The following RTEL1 variants were observed in gnomAD, a reference collection of about 807,000 sequenced individuals.
RTEL1 encodes the protein regulator of telomere elongation helicase 1.
RTEL1 carries 86 observed loss-of-function variants against 162.2 expected under a neutral mutation model. The observed-to-expected ratio is 0.53, with a 90% CI of 0.45 to 0.63. The LOEUF (loss-of-function observed/expected upper bound fraction) is 0.63. Among genes scored for constraint, RTEL1 ranks in the 30% least tolerant of loss-of-function variants. The probability of loss-of-function intolerance (pLI) is 0.00; values close to 1 mark genes in which losing one functional copy is unlikely to be tolerated. For missense variants in RTEL1, 1,941 were observed against 1,750.2 expected, an observed-to-expected ratio of 1.11 and a Z score of -1.95; for synonymous variants, 958 against 717.9, an observed-to-expected ratio of 1.33 and a Z score of -5.35.
chr20:63,693,080 A>T lies in RTEL1; in HGVS notation c.2852-63A>T, dbSNP rs1306416023. 5 of 1,610,660 alleles carry T rather than the reference A, an allele frequency of 3.1e-6. No individual in the cohort carries two copies. In the African/African-American group the frequency reaches 5.3e-5, roughly 17 times the overall value. On this transcript the variant is annotated intron_variant, in intron 29 of 34. Coordinates refer to ENST00000360203, the MANE Select transcript of RTEL1 (RefSeq NM_001283009.2). Reference sequence around the variant, plus strand: ...TGTGGGGTGGGGGCCATCTGGGTCCAAGGTGGTCTCTGTTCTCTAGAGAAA... The same window carrying T: ...TGTGGGGTGGGGGCCATCTGGGTCCTAGGTGGTCTCTGTTCTCTAGAGAAA...
chr20:63,661,460 T>G lies in RTEL1; in HGVS notation c.265T>G (p.Trp89Gly). 4 of 1,613,182 alleles carry G rather than the reference T, an allele frequency of 2.5e-6. No homozygotes were observed. Among genetic ancestry groups the G allele is most frequent in the Non-Finnish European group, 3.4e-6 (4 of 1,180,008 alleles). The change falls in exon 3 of 35, where the codon TGG becomes GGG. Residue 89 changes from tryptophan to glycine, a missense_variant. Trp to Gly is a radical substitution (Grantham distance 184, BLOSUM62 -2). Transcript: ENST00000360203. This position sits in a 1 kb window ranked among gnomAD's most constrained non-coding sequence, Gnocchi z 5.1. ...TTTCCCGGATCGGGCCTTGTCATCC[T>G]GGGGCAACGCTGCTGCTGCTGCTGG... is the stretch of plus-strand genomic sequence containing the variant. ...ELFPDRALSSWGNAAAAAGDP... is the reference protein window; with the variant it reads ...ELFPDRALSSGGNAAAAAGDP...
chr20:63,659,780 T>G (rs2089981161), intron 2 of RTEL1, among the ~76,000 whole-genome samples: 1 of 149,682 alleles, frequency 6.7e-6, no homozygotes, highest in Non-Finnish European at 1.5e-5. Context: ...AGACAAAGTA[T>G]AGAGAGAAAA....
intron 14 of RTEL1, among the ~76,000 whole-genome samples, chr20:63,683,672 G>A (rs1012694057): frequency 8.5e-5 from 13 of 152,292 alleles, no homozygotes; most frequent in Middle Eastern, 3.4e-3. Context: ...TCAAGTCTGC[G>A]GCGGGGCTCT....
At position 63,685,582 on chromosome 20, in the gene RTEL1, C is replaced by G; in HGVS notation, c.1251C>G (p.Ala417=). ...CTGGTTCCCCAGCAGGGCTGGGGGCCTTACAGTCCTATAAGGTAGGGGCCA... is the reference window on the plus strand; with the variant it reads ...CTGGTTCCCCAGCAGGGCTGGGGGCGTTACAGTCCTATAAGGTAGGGGCCA... The part of the protein sequence containing the change: ...GSPGSPAGLG[A]LQSYKVHIHP... Residue 417 remains alanine, a synonymous_variant, in exon 15 of 35, where the codon GCC becomes GCG. Coordinates refer to ENST00000360203, the MANE Select transcript of RTEL1 (RefSeq NM_001283009.2). The G allele has an allele frequency of 6.2e-7, 1 of 1,611,870 alleles. No individual in the cohort carries two copies. The highest frequency in any genetic ancestry group is 8.5e-7 in the Non-Finnish European group (1 of 1,179,646).
chr20:63,672,636 G>C lies in RTEL1; in HGVS notation c.765+15G>C. ...CTCACAACGTGGTGAGTCTCCGCTG[G>C]CCTCCTAAACACCTCCTATTGCTTC... On this transcript the variant is annotated intron_variant, in intron 9 of 34. Coordinates refer to ENST00000360203, the MANE Select transcript of RTEL1 (RefSeq NM_001283009.2). 1 of 1,570,590 alleles carries C rather than the reference G, an allele frequency of 6.4e-7. No individual in the cohort carries two copies. The highest frequency in any genetic ancestry group is 8.7e-7 in the Non-Finnish European group (1 of 1,153,990).
chr20:63,694,299 G>GGCCCGCCCCCC, intron 30 of RTEL1, 73 bp from the exon 31 acceptor site: 3 of 841,720 alleles, frequency 3.6e-6, no homozygotes, highest in Non-Finnish European at 2.0e-6. Flanking sequence ...TCCCTAGCCA[G>GGCCCGCCCCCC]CCCTGCCCCC....
chr20:63,693,519 A>ACCACCT lies in RTEL1; in HGVS notation c.2992+241_2992+242insTCCACC, dbSNP rs1568720554. On this transcript the variant is annotated intron_variant, in intron 30 of 34. Coordinates refer to ENST00000360203, the MANE Select transcript of RTEL1 (RefSeq NM_001283009.2). ...CACCTCCACCACCACCTCCTCCACC[A>ACCACCT]CCACCACCTCCACCACCACCACCAC... 7.8e-4 allele frequency among the ~76,000 whole-genome samples: 5 copies of ACCACCT among 6,436 alleles called. 1 individual carries two copies. The highest frequency in any genetic ancestry group is 1.3e-3 in the Non-Finnish European group (4 of 2,992). 4.2% of individuals were successfully genotyped at this position (6,436 alleles called of 152,430 possible).
intron 12 of RTEL1, among the ~76,000 whole-genome samples, chr20:63,679,618 GGA>G (rs1437226445): frequency 6.6e-6 from 1 of 152,158 alleles, no homozygotes; most frequent in Non-Finnish European, 1.5e-5. Context: ...GGCGTCCCCT[GGA>G]GGGCTGAATT....
At position 63,661,251 on chromosome 20, in the gene RTEL1, C is replaced by T. The variant is rs377181752; in HGVS notation, c.103-47C>T. On this transcript the variant is annotated intron_variant, in intron 2 of 34. Transcript: ENST00000360203. This position sits in a 1 kb window ranked among gnomAD's most constrained non-coding sequence, Gnocchi z 5.1. ...TGTCTCAGGGCAGCTTGTGTGGCCTCGCCTCTTCCTGGCTTCCCCGTAACC... is the reference window on the plus strand; with the variant it reads ...TGTCTCAGGGCAGCTTGTGTGGCCTTGCCTCTTCCTGGCTTCCCCGTAACC... 1.8e-5 allele frequency: 28 copies of T among 1,570,234 alleles called. No homozygotes were observed. The East Asian group carries it at 3.4e-4, about 19-fold the overall frequency.
chr20:63,661,724 A>C lies in RTEL1; in HGVS notation c.302-126A>C, dbSNP rs1359447683. The C allele has an allele frequency of 3.2e-6, 3 of 946,032 alleles. No individual in the cohort carries two copies. The Admixed American group carries it at 6.4e-5, about 20-fold the overall frequency. The allele number at this position is 946,032 out of a possible 1,614,324, so 58.6% of individuals were successfully genotyped here. On this transcript the variant is annotated intron_variant, in intron 3 of 34. Coordinates refer to ENST00000360203, the MANE Select transcript of RTEL1 (RefSeq NM_001283009.2). The surrounding 1 kb of genome is among the most constrained non-coding windows in gnomAD (Gnocchi z 5.1). ...TGCCCACTTCACCCATTTTTGATAAACCAGTATCTGGGGTGTCAGATTCTT... is the reference window on the plus strand; with the variant it reads ...TGCCCACTTCACCCATTTTTGATAACCCAGTATCTGGGGTGTCAGATTCTT...
Position 63,661,838 on chromosome 20 carries a change from G to A in RTEL1, c.302-12G>A. The A allele has an allele frequency of 6.2e-7, 1 of 1,612,768 alleles. No homozygotes were observed. Among genetic ancestry groups the A allele is most frequent in the East Asian group, 2.2e-5 (1 of 44,876 alleles). On this transcript the variant is annotated splice_polypyrimidine_tract_variant and intron_variant, in intron 3 of 34. Coordinates refer to ENST00000360203, the MANE Select transcript of RTEL1 (RefSeq NM_001283009.2). This position sits in a 1 kb window ranked among gnomAD's most constrained non-coding sequence, Gnocchi z 5.1. ...AGAACCGTGACTTCTGTGCTTGCTT[G>A]TGTCTGGTCAGCTTGCTACACGGAC...
intron 6 of RTEL1, among the ~76,000 whole-genome samples, chr20:63,663,608 G>T (rs77221632): frequency 0.057 from 8,716 of 152,304 alleles, 344 homozygotes; most frequent in Non-Finnish European, 0.086. Flanking sequence ...CAGTGGCAGG[G>T]TGCACCCCCG....
At position 63,685,455 on chromosome 20, in the gene RTEL1, C is replaced by T. The variant is rs1309560318; in HGVS notation, c.1192-68C>T. On this transcript the variant is annotated intron_variant, in intron 14 of 34. Transcript: ENST00000360203. ...GGTGTCCTGTGACCTTCTGTGTATG[C>T]GGCTGATGCTGCAGAAAGTCGGGTG... is the stretch of plus-strand genomic sequence containing the variant. 1.7e-5 allele frequency: 25 copies of T among 1,503,242 alleles called. No homozygotes were observed. The Middle Eastern group carries it at 5.1e-4, about 31-fold the overall frequency. 93.1% of individuals were successfully genotyped at this position (1,503,242 alleles called of 1,614,324 possible). A position where few individuals can be genotyped will look rare whatever the true frequency, so the allele number is the denominator to read the frequency against.
rs763164910 is a variant in RTEL1 at position 63,690,796 on chromosome 20, C to A, written c.2414-9C>A. 1 of 1,599,214 alleles carries A rather than the reference C, an allele frequency of 6.3e-7. No homozygotes were observed. Among genetic ancestry groups the A allele is most frequent in the Non-Finnish European group, 8.5e-7 (1 of 1,174,822 alleles). ...GTGGGCTTCACTGCGCACTCGGGTG[C>A]CCCTGCAGGGTCACCAGCTGCCGGG... On this transcript the variant is annotated splice_polypyrimidine_tract_variant and intron_variant, in intron 26 of 34. Transcript: ENST00000360203.
In RTEL1 at chr20:63,692,997, C is replaced by A. The variant is rs1189268989; in HGVS notation, c.2845C>A (p.Leu949Ile). The change falls in exon 29 of 35, where the codon CTC (leucine) becomes ATC (isoleucine). Residue 949 changes from leucine (L) to isoleucine (I), a missense_variant. By Grantham distance (5) the Leu-to-Ile change is conservative. Coordinates refer to ENST00000360203, the MANE Select transcript of RTEL1 (RefSeq NM_001283009.2). ...TGAGGACCCCAAGAAGCACAACCTGCTCCAAGGTGCCCTGGCTTGCAGAGG... is the reference window on the plus strand; with the variant it reads ...TGAGGACCCCAAGAAGCACAACCTGATCCAAGGTGCCCTGGCTTGCAGAGG... ...FAEDPKKHNL[L>I]QGFYQFVRPH... 1 of 1,612,444 alleles carries A rather than the reference C, an allele frequency of 6.2e-7. No individual in the cohort carries two copies. Among genetic ancestry groups the A allele is most frequent in the African/African-American group, 1.3e-5 (1 of 74,934 alleles).
intron 34 of RTEL1, 61 bp from the exon 35 acceptor site, chr20:63,695,717 C>T (rs945619212): frequency 5.0e-6 from 8 of 1,603,516 alleles, no homozygotes; most frequent in Non-Finnish European, 6.8e-6. Flanking sequence ...GGGGAAAGGG[C>T]AGGCCCTTGT....
At chr20:63,683,512 G>A (rs936085743) in intron 14 of RTEL1, among the ~76,000 whole-genome samples, 2 of 152,206 alleles carry the variant, frequency 1.3e-5, no homozygotes, top group Admixed American at 6.5e-5. Flanking sequence ...TGCAGAGTAC[G>A]CACACACGCA....
intron 14 of RTEL1, among the ~76,000 whole-genome samples, chr20:63,684,553 C>T (rs1480106743): frequency 1.3e-5 from 2 of 152,180 alleles, no homozygotes; most frequent in Non-Finnish European, 2.9e-5. Flanking sequence ...CGAGGTTTCA[C>T]CGTGTTAGCC....
rs1476547796 is a variant in RTEL1, at chr20:63,695,958, G to T, written c.*100G>T. 2 of 1,251,918 alleles carry T rather than the reference G, an allele frequency of 1.6e-6. No individual in the cohort carries two copies. Among genetic ancestry groups the T allele is most frequent in the Non-Finnish European group, 2.2e-6 (2 of 905,642 alleles). 77.6% of individuals were successfully genotyped at this position (1,251,918 alleles called of 1,614,324 possible). A position where few individuals can be genotyped will look rare whatever the true frequency, so the allele number is the denominator to read the frequency against. ...CACCCAACAGAATAGGCCAGCCCAT[G>T]CCAGCCGGCTTGGCCCGCTGCAGGC... is the stretch of plus-strand genomic sequence containing the variant. On this transcript the variant is annotated 3_prime_UTR_variant, in exon 35 of 35. Coordinates refer to ENST00000360203, the MANE Select transcript of RTEL1 (RefSeq NM_001283009.2).
Sources: gnomAD v4.1 joint callset for allele counts (sites outside exome capture counted in the v4.1 genomes callset) on GRCh38, gnomAD v4.1.1 for gene constraint, Gnocchi (gnomAD v3.1) non-coding constraint, MANE v1.5 for transcripts, NCBI Gene and HGNC (gene_info 2026-07-23, HGNC 2026-07-21) for gene names.